Variants in LRP5 observed in about 807,000 individuals in gnomAD.
LRP5 encodes LDL receptor related protein 5, also known as low-density lipoprotein receptor-related protein 5.
A neutral mutation model predicts 154.1 loss-of-function variants in LRP5; 62 were observed. The observed-to-expected ratio is 0.40, with a 90% CI of 0.33 to 0.50. The LOEUF is 0.50. LRP5 is among the 20% of genes least tolerant of loss of function. The pLI is 0.55. For missense variants in LRP5, 1,915 were observed against 2,336.7 expected (o/e 0.82, Z 3.72); for synonymous variants, 966 against 1,011.5 (o/e 0.96, Z 0.85).
At chr11:68,319,077 T>C (rs1339430162) in intron 1 of LRP5, among the ~76,000 whole-genome samples, 1 of 147,396 alleles carries the variant, frequency 6.8e-6, no homozygotes. Flanking sequence ...TCCTTGTTTT[T>C]TTTTTTTTTT....
At chr11:68,395,046 A>G (rs2098648487) in intron 7 of LRP5, among the ~76,000 whole-genome samples, 1 of 151,162 alleles carries the variant, frequency 6.6e-6, no homozygotes, top group Non-Finnish European at 1.5e-5. Context: ...TACGCCTGTA[A>G]TCCCAACACT....
intron 5 of LRP5, among the ~76,000 whole-genome samples, chr11:68,367,401 C>T (rs2098631681): frequency 1.3e-5 from 2 of 152,176 alleles, no homozygotes; most frequent in South Asian, 4.1e-4. Flanking sequence ...TTTGCTGCTG[C>T]CCCATACCTG....
intron 18 of LRP5, among the ~76,000 whole-genome samples, chr11:68,435,483 G>GGAGAGAGA (rs10634157): frequency 0.038 from 5,693 of 150,238 alleles, 351 homozygotes; most frequent in African/African-American, 0.13. Context: ...AGGGAGCAAC[G>GGAGAGAGA]GAGAGAGAGA....
chr11:68,313,234 C>G (rs1373742526), intron 1 of LRP5, among the ~76,000 whole-genome samples: 2 of 151,728 alleles, frequency 1.3e-5, no homozygotes, highest in African/African-American at 4.8e-5. Flanking sequence ...GCGCGGCCGC[C>G]CCGCGTGCTC....
At chr11:68,434,788 G>A (rs2098673984) in intron 18 of LRP5, among the ~76,000 whole-genome samples, 1 of 151,938 alleles carries the variant, frequency 6.6e-6, no homozygotes, top group Non-Finnish European at 1.5e-5. Context: ...CTCTCCCAGA[G>A]CCACCGGCTC....
At chr11:68,328,445 G>C (rs562052101) in intron 1 of LRP5, among the ~76,000 whole-genome samples, 6 of 152,150 alleles carry the variant, frequency 3.9e-5, no homozygotes, top group Non-Finnish European at 8.8e-5. Context: ...TTCTGAGCTC[G>C]GTCCTCCAGT....
At chr11:68,408,560 T>G (rs1379008620) in intron 9 of LRP5, among the ~76,000 whole-genome samples, 1 of 152,148 alleles carries the variant, frequency 6.6e-6, no homozygotes. Context: ...TTTAAGTCTT[T>G]TTTCTCTAAG....
At chr11:68,371,382 C>T (rs2098633924) in intron 5 of LRP5, among the ~76,000 whole-genome samples, 1 of 152,182 alleles carries the variant, frequency 6.6e-6, no homozygotes, top group Non-Finnish European at 1.5e-5. Flanking sequence ...GAGTCAGAGC[C>T]GGACCTGTGA....
upstream of LRP5, among the ~76,000 whole-genome samples, chr11:68,311,964 C>G (rs1478976625): frequency 1.3e-5 from 2 of 152,222 alleles, no homozygotes; most frequent in African/African-American, 2.4e-5. Flanking sequence ...GCAAGAGGCC[C>G]TGGCGGGCTT....
chr11:68,429,344 G>A (rs1036967225), intron 16 of LRP5, among the ~76,000 whole-genome samples: 1 of 152,188 alleles, frequency 6.6e-6, no homozygotes, highest in South Asian at 2.1e-4. Flanking sequence ...GGCCTGTGAT[G>A]TCAAGCAACT....
the LRP5 span, among the ~76,000 whole-genome samples, chr11:68,303,412 T>A: frequency 6.6e-6 from 1 of 152,202 alleles, no homozygotes; most frequent in Non-Finnish European, 1.5e-5. Flanking sequence ...GCTGTATTAT[T>A]TTCATGCCCT....
At chr11:68,418,897 C>G (rs1050118809) in intron 13 of LRP5, among the ~76,000 whole-genome samples, 1 of 152,188 alleles carries the variant, frequency 6.6e-6, no homozygotes, top group African/African-American at 2.4e-5. Context: ...GAGAAAGCTC[C>G]TGGGCGTACA....
intron 2 of LRP5, among the ~76,000 whole-genome samples, chr11:68,351,276 G>T (rs2098618286): frequency 6.6e-6 from 1 of 152,056 alleles, no homozygotes; most frequent in South Asian, 2.1e-4. Flanking sequence ...TGCCCTCCGA[G>T]TGGGCTAGCC....
intron 1 of LRP5, among the ~76,000 whole-genome samples, chr11:68,327,768 G>A (rs1175085757): frequency 2.6e-5 from 4 of 152,148 alleles, no homozygotes; most frequent in African/African-American, 4.8e-5. Flanking sequence ...GAAGAAGAGG[G>A]AGCTTTCCTG....
At chr11:68,329,810 TTCTC>T (rs1246318813) in intron 1 of LRP5, among the ~76,000 whole-genome samples, 1 of 152,232 alleles carries the variant, frequency 6.6e-6, no homozygotes, top group Non-Finnish European at 1.5e-5. Flanking sequence ...CTGGAACTGT[TTCTC>T]TCACTATTTG....
intron 7 of LRP5, among the ~76,000 whole-genome samples, chr11:68,399,336 A>C (rs1457388234): frequency 3.3e-5 from 5 of 151,540 alleles, no homozygotes; most frequent in Non-Finnish European, 5.9e-5. Context: ...GTGTCACTAC[A>C]CTCTAGCCTG....
At chr11:68,431,471 C>T (rs929582355) in intron 17 of LRP5, among the ~76,000 whole-genome samples, 30 of 151,972 alleles carry the variant, frequency 2.0e-4, no homozygotes, top group African/African-American at 7.3e-4. Flanking sequence ...AACTCCTGAC[C>T]TCAGGTGATC....
At chr11:68,348,298 C>G (rs1438015098) in intron 2 of LRP5, 55 bp downstream of exon 2, 2 of 1,593,486 alleles carry the variant, frequency 1.3e-6, no homozygotes, top group Admixed American at 1.7e-5. Flanking sequence ...GTCACCATCT[C>G]TCTCTCGAAT....
chr11:68,419,065 C>G (rs2098664088), intron 13 of LRP5, among the ~76,000 whole-genome samples: 5 of 152,182 alleles, frequency 3.3e-5, no homozygotes, highest in Admixed American at 2.6e-4. Flanking sequence ...CCTGCAGCCT[C>G]CCCGCTCTGT....
Sources: allele counts gnomAD v4.1 joint callset (sites outside exome capture counted in the v4.1 genomes callset), GRCh38; gene constraint gnomAD v4.1.1; transcripts MANE v1.5; gene names NCBI Gene and HGNC (gene_info 2026-07-23, HGNC 2026-07-21).